CCDC40: variants seen among roughly 807,000 people sequenced by gnomAD.
CCDC40 encodes coiled-coil domain 40 molecular ruler complex subunit, also known as coiled-coil domain-containing protein 40.
A neutral mutation model predicts 124.5 loss-of-function variants in CCDC40; 104 were observed. The ratio of observed to expected loss-of-function variants is 0.84; its 90% confidence interval spans 0.71 to 0.98. CCDC40 has a LOEUF of 0.98. Among genes scored for constraint, CCDC40 ranks in the 50% least tolerant of loss-of-function variants. The probability of loss-of-function intolerance (pLI) is 0.00; values close to 1 mark genes in which losing one functional copy is unlikely to be tolerated. For missense variants in CCDC40, 1,463 were observed against 1,503.9 expected, an observed-to-expected ratio of 0.97 and a Z score of 0.45; for synonymous variants, 580 against 602.9, an observed-to-expected ratio of 0.96 and a Z score of 0.56.
chr17:80,077,304 T>C lies in CCDC40; in HGVS notation c.1563-4242T>C, dbSNP rs185041584. Among the ~76,000 whole-genome samples, 824 of 152,124 alleles carry C rather than the reference T, an allele frequency of 5.4e-3. 10 individuals are homozygous for C. The highest frequency in any genetic ancestry group is 0.019 in the African/African-American group (799 of 41,514). On this transcript the variant is annotated intron_variant, in intron 10 of 19. Transcript: ENST00000397545. ...CTTTGGGAGGCTGAGGCGGATCACT[T>C]GAGCTCAAGAGTTTGAGACCAGCCT...
At chr17:80,061,079 C>T (rs1471899062) in intron 9 of CCDC40, among the ~76,000 whole-genome samples, 2 of 152,254 alleles carry the variant, frequency 1.3e-5, no homozygotes, top group South Asian at 2.1e-4. Context: ...GGTAAGGTGG[C>T]TCACGCCTGT....
chr17:80,065,442 G>C (rs1458394823), intron 9 of CCDC40, 43 bp from the exon 10 acceptor site: 8 of 1,611,494 alleles, frequency 5.0e-6, no homozygotes, highest in Non-Finnish European at 6.8e-6. Flanking sequence ...GCTCGCAAAT[G>C]AAATGAGACA....
In CCDC40 at chr17:80,058,415, C is replaced by A. The variant is rs529627971; in HGVS notation, c.1160-79C>A. 2 of 1,386,238 alleles carry A rather than the reference C, an allele frequency of 1.4e-6. No individual in the cohort carries two copies. The highest frequency in any genetic ancestry group is 4.6e-5 in the East Asian group (2 of 43,688). The allele number at this position is 1,386,238 out of a possible 1,614,324, so 85.9% of individuals were successfully genotyped here. A position where few individuals can be genotyped will look rare whatever the true frequency, so the allele number is the denominator to read the frequency against. On this transcript the variant is annotated intron_variant, in intron 7 of 19. Transcript: ENST00000397545. The surrounding 1 kb of genome is among the most constrained non-coding windows in gnomAD (Gnocchi z 4.2). ...CCAGAACGGCTGTTCCCTGCTTCCT[C>A]CTGGGTCTCTGCATGGGGGACGCTG...
chr17:80,067,299 T>C (rs1384206248), intron 10 of CCDC40: 3 of 549,294 alleles, frequency 5.5e-6, no homozygotes, highest in Non-Finnish European at 9.7e-6. Context: ...TCGTATTCGA[T>C]CAGGTCTCCT....
chr17:80,080,302 C>A (rs901923462), intron 10 of CCDC40, among the ~76,000 whole-genome samples: 2 of 152,160 alleles, frequency 1.3e-5, no homozygotes, highest in East Asian at 3.8e-4. Context: ...AATCCTCATG[C>A]TGAGGCGTAA....
intron 13 of CCDC40, among the ~76,000 whole-genome samples, chr17:80,085,772 C>T (rs1568710623): frequency 6.7e-6 from 1 of 149,026 alleles, no homozygotes; most frequent in Non-Finnish European, 1.5e-5. Context: ...TGAGTTCAAG[C>T]GATTCTCCTG....
At chr17:80,098,380 T>C (rs1186758795) in intron 19 of CCDC40, among the ~76,000 whole-genome samples, 1 of 152,214 alleles carries the variant, frequency 6.6e-6, no homozygotes, top group Non-Finnish European at 1.5e-5. Flanking sequence ...TCCCGCGCGC[T>C]CTAAGATTGC....
At position 80,052,764 on chromosome 17, in the gene CCDC40, G is replaced by A. The variant is rs554137341; in HGVS notation, c.1159+2481G>A. On this transcript the variant is annotated intron_variant, in intron 7 of 19. Coordinates refer to ENST00000397545, the MANE Select transcript of CCDC40 (RefSeq NM_017950.4). Reference sequence around the variant, plus strand: ...TATCCGTAAAGAGAACAAAGTGTTAGGAAGAGGGGTACGTGAAATTTAAAA... The same window carrying A: ...TATCCGTAAAGAGAACAAAGTGTTAAGAAGAGGGGTACGTGAAATTTAAAA... Among the ~76,000 whole-genome samples, 4 of 152,272 alleles carry A rather than the reference G, an allele frequency of 2.6e-5. No individual in the cohort carries two copies. The South Asian group carries it at 6.2e-4, about 24-fold the overall frequency.
rs764414104 is a variant in CCDC40 at position 80,058,695 on chromosome 17, G to A, written c.1317+44G>A. The A allele has an allele frequency of 6.2e-6, 10 of 1,612,116 alleles. No individual in the cohort carries two copies. Among genetic ancestry groups the A allele is most frequent in the Non-Finnish European group, 8.5e-6 (10 of 1,178,258 alleles). On this transcript the variant is annotated intron_variant, in intron 8 of 19. Transcript: ENST00000397545. This position sits in a 1 kb window ranked among gnomAD's most constrained non-coding sequence, Gnocchi z 4.2. ...ACATGTTTAATGATCACCAGACCGT[G>A]GAGCTTCAAAAAGGGGCTCAGCTTT...
At chr17:80,049,240 CA>C (rs200114991) in intron 5 of CCDC40, among the ~76,000 whole-genome samples, 23,740 of 133,652 alleles carry the variant, frequency 0.18, 2,546 homozygotes, top group African/African-American at 0.33. Flanking sequence ...ACTAAAAATA[CA>C]AAAAAAAAAA....
chr17:80,040,376 C>T (rs2037246516), intron 3 of CCDC40, 106 bp downstream of exon 3: 2 of 1,128,258 alleles, frequency 1.8e-6, no homozygotes, highest in African/African-American at 1.5e-5. Context: ...ATTGCAATCC[C>T]TGTTAGAAAT....
At chr17:80,097,620 G>A in intron 19 of CCDC40, 1 of 590,816 alleles carries the variant, frequency 1.7e-6, no homozygotes. Flanking sequence ...GTTATGGGCT[G>A]GGCTCATGTT....
rs538748486 is a variant in CCDC40, at chr17:80,081,470, C to T, written c.1563-76C>T. The stretch of plus-strand genomic sequence containing the variant: ...TTGAGTTCGCCTTAGTGAGCTCCCT[C>T]GTGTGGGGCGCAGCTCTGTGCACTG... On this transcript the variant is annotated intron_variant, in intron 10 of 19. Coordinates refer to ENST00000397545, the MANE Select transcript of CCDC40 (RefSeq NM_017950.4). The T allele has an allele frequency of 7.5e-6, 12 of 1,589,790 alleles. No homozygotes were observed. In the Admixed American group the frequency reaches 8.3e-5, roughly 11 times the overall value.
At position 80,039,974 on chromosome 17, in the gene CCDC40, T is replaced by C; in HGVS notation, c.256T>C (p.Tyr86His). ...GGAAGGGGAAGAGGAGGCTGTGTCC[T>C]ATGGAGATGCTGAAAGCGAAGAGGA... Reference protein sequence around the residue: ...AVEGEEEAVSYGDAESEEEYY... With the variant: ...AVEGEEEAVSHGDAESEEEYY... The change falls in exon 3 of 20, where the codon TAT becomes CAT. Residue 86 changes from tyrosine (Y) to histidine (H), a missense_variant. Coordinates refer to ENST00000397545, the MANE Select transcript of CCDC40 (RefSeq NM_017950.4). The C allele has an allele frequency of 6.2e-7, 1 of 1,613,976 alleles. No individual in the cohort carries two copies. The highest frequency in any genetic ancestry group is 2.2e-5 in the East Asian group (1 of 44,866).
At chr17:80,063,429 C>T (rs2037954687) in intron 9 of CCDC40, among the ~76,000 whole-genome samples, 1 of 152,152 alleles carries the variant, frequency 6.6e-6, no homozygotes, top group African/African-American at 2.4e-5. Context: ...TCTTTCCATC[C>T]TTATGCCTTG....
rs2037554631 is a variant in CCDC40, at chr17:80,050,419, G to A, written c.1159+136G>A. The A allele has an allele frequency of 1.6e-5, 11 of 707,432 alleles. No homozygotes were observed. The East Asian group carries it at 2.4e-4, about 16-fold the overall frequency. The allele number at this position is 707,432 out of a possible 1,614,324, so 43.8% of individuals were successfully genotyped here. ...GAGGGGTTCCCACCCTTTTTAGGAG[G>A]GGAAGGCACATAAATCAAATGTCTT... On this transcript the variant is annotated intron_variant, in intron 7 of 19. Coordinates refer to ENST00000397545, the MANE Select transcript of CCDC40 (RefSeq NM_017950.4).
At chr17:80,076,000 G>T (rs1197089072) in intron 10 of CCDC40, among the ~76,000 whole-genome samples, 2 of 152,208 alleles carry the variant, frequency 1.3e-5, no homozygotes, top group African/African-American at 4.8e-5. Flanking sequence ...AATGGATGAG[G>T]AGTTGCTTCT....
At chr17:80,074,023 C>A (rs888074061) in intron 10 of CCDC40, among the ~76,000 whole-genome samples, 1 of 152,294 alleles carries the variant, frequency 6.6e-6, no homozygotes, top group East Asian at 1.9e-4. Context: ...AATGATTAAG[C>A]TTCATGAGGA....
At chr17:80,050,854 C>A (rs28754675) in intron 7 of CCDC40, among the ~76,000 whole-genome samples, 48,544 of 152,014 alleles carry the variant, frequency 0.32, 10,504 homozygotes, top group African/African-American at 0.62. Context: ...GCAGAGGTCC[C>A]AGGATAGATG....
Sources: gnomAD v4.1 joint callset for allele counts (sites outside exome capture counted in the v4.1 genomes callset) on GRCh38, gnomAD v4.1.1 for gene constraint, Gnocchi (gnomAD v3.1) non-coding constraint, MANE v1.5 for transcripts, NCBI Gene and HGNC (gene_info 2026-07-23, HGNC 2026-07-21) for gene names.